PRKAR2A: variants seen among roughly 807,000 people sequenced by gnomAD.
PRKAR2A encodes protein kinase cAMP-dependent type II regulatory subunit alpha, also known as cAMP-dependent protein kinase type II-alpha regulatory subunit.
Under a neutral mutation model 51.9 loss-of-function variants are expected in PRKAR2A, and 29 were observed. The observed-to-expected ratio is 0.56, with a 90% confidence interval of 0.42 to 0.76. The LOEUF is 0.76. Among genes scored for constraint, PRKAR2A ranks in the 30% least tolerant of loss-of-function variants. The pLI is 0.00. For missense variants in PRKAR2A, 445 were observed against 512.1 expected, an observed-to-expected ratio of 0.87 and a Z score of 1.26; for synonymous variants, 178 against 186.2, an observed-to-expected ratio of 0.96 and a Z score of 0.36.
At chr3:48,844,218 CAA>C (rs2083424356) in intron 1 of PRKAR2A, among the ~76,000 whole-genome samples, 1 of 152,046 alleles carries the variant, frequency 6.6e-6, no homozygotes, top group African/African-American at 2.4e-5. Context: ...TTTATGCAGC[CAA>C]AAGACAAATG....
At chr3:48,829,847 G>GTGTGTATATATATA (rs777532795) in intron 1 of PRKAR2A, among the ~76,000 whole-genome samples, 4 of 63,752 alleles carry the variant, frequency 6.3e-5, no homozygotes, top group Non-Finnish European at 8.4e-5. Flanking sequence ...ATGCGTGTGT[G>GTGTGTATATATATA]TATATATATA....
chr3:48,782,655 C>T (rs1298068979), intron 5 of PRKAR2A, among the ~76,000 whole-genome samples: 1 of 152,178 alleles, frequency 6.6e-6, no homozygotes, highest in East Asian at 1.9e-4. Context: ...GGGGTTTCAC[C>T]ATACTGGCCA....
chr3:48,799,147 G>A (rs552431398), intron 2 of PRKAR2A, among the ~76,000 whole-genome samples: 3 of 152,154 alleles, frequency 2.0e-5, no homozygotes, highest in Non-Finnish European at 1.5e-5. Flanking sequence ...GCTTGCCACA[G>A]TACACAAGTT....
At chr3:48,817,377 C>T (rs573244295) in intron 1 of PRKAR2A, among the ~76,000 whole-genome samples, 12 of 151,292 alleles carry the variant, frequency 7.9e-5, no homozygotes, top group South Asian at 6.3e-4. Flanking sequence ...ATAGGCCAGA[C>T]GTGGTGGCTC....
intron 5 of PRKAR2A, among the ~76,000 whole-genome samples, chr3:48,779,282 C>A (rs925357200): frequency 6.6e-6 from 1 of 152,080 alleles, no homozygotes; most frequent in African/African-American, 2.4e-5. Context: ...TTTCACTGTA[C>A]AAAGAATAAC....
rs763726926 is a variant in PRKAR2A, at chr3:48,829,871, ATTTT to A, written c.262+17460_262+17463del. 3.9e-3 allele frequency among the ~76,000 whole-genome samples: 346 copies of A among 87,708 alleles called. 4 individuals carry two copies. Among genetic ancestry groups the A allele is most frequent in the African/African-American group, 0.016 (302 of 18,676 alleles). 57.5% of individuals were successfully genotyped at this position (87,708 alleles called of 152,430 possible). ...TGTATATATATATATATATATATAT[ATTTT>A]TTTTTTTTTTTTAAGCTTTTTTGTT... On this transcript the variant is annotated intron_variant, in intron 1 of 10. Transcript: ENST00000265563.
At chr3:48,800,902 C>T (rs1054081784) in intron 2 of PRKAR2A, among the ~76,000 whole-genome samples, 9 of 151,934 alleles carry the variant, frequency 5.9e-5, no homozygotes, top group East Asian at 3.9e-4. Flanking sequence ...CTCCATCTCC[C>T]GACCTCGTGA....
intron 3 of PRKAR2A, among the ~76,000 whole-genome samples, chr3:48,791,616 G>C (rs1253594878): frequency 1.6e-5 from 1 of 61,996 alleles, no homozygotes; most frequent in Non-Finnish European, 3.3e-5. Context: ...AAAAAAAAAA[G>C]CTGGGCATGG....
intron 8 of PRKAR2A, among the ~76,000 whole-genome samples, chr3:48,757,145 A>G (rs1252054227): frequency 6.6e-6 from 1 of 152,208 alleles, no homozygotes; most frequent in Admixed American, 6.5e-5. Flanking sequence ...AGGCAGAGTC[A>G]CAAAGAGGGA....
intron 5 of PRKAR2A, among the ~76,000 whole-genome samples, chr3:48,780,160 C>G (rs1320604351): frequency 6.7e-6 from 1 of 149,856 alleles, no homozygotes; most frequent in South Asian, 2.1e-4. Flanking sequence ...TCCGTACCCC[C>G]CCCAAAAAAA....
intron 2 of PRKAR2A, among the ~76,000 whole-genome samples, chr3:48,797,896 T>A (rs529756808): frequency 1.6e-4 from 24 of 152,186 alleles, no homozygotes; most frequent in Admixed American, 1.6e-3. Flanking sequence ...GGGTGCATTA[T>A]CTCAGTTCTT....
intron 4 of PRKAR2A, among the ~76,000 whole-genome samples, chr3:48,785,835 A>G (rs2082282588): frequency 6.6e-6 from 1 of 152,212 alleles, no homozygotes; most frequent in African/African-American, 2.4e-5. Context: ...AAACTTGCAC[A>G]CAAGAGAAAA....
intron 6 of PRKAR2A, among the ~76,000 whole-genome samples, chr3:48,771,875 T>C (rs1372497677): frequency 1.3e-5 from 2 of 152,240 alleles, no homozygotes; most frequent in African/African-American, 4.8e-5. Flanking sequence ...ATTAATGGTG[T>C]TAAGTTCTTC....
At chr3:48,753,537 G>C (rs1438417849) in intron 9 of PRKAR2A, among the ~76,000 whole-genome samples, 4 of 152,080 alleles carry the variant, frequency 2.6e-5, no homozygotes, top group East Asian at 1.9e-4. Context: ...TTTCATCTGA[G>C]CCAACTTTCC....
intron 1 of PRKAR2A, among the ~76,000 whole-genome samples, chr3:48,826,326 C>T (rs1400195751): frequency 6.6e-6 from 1 of 152,134 alleles, no homozygotes; most frequent in Non-Finnish European, 1.5e-5. Flanking sequence ...ACTCACAGAA[C>T]TCAGAAAAGC....
chr3:48,759,084 A>AT (rs2081822694), intron 8 of PRKAR2A, among the ~76,000 whole-genome samples: 1 of 152,232 alleles, frequency 6.6e-6, no homozygotes, highest in African/African-American at 2.4e-5. Context: ...ATGCAAGGGG[A>AT]TAAAATTTAA....
At chr3:48,795,000 G>A (rs1374447424) in intron 2 of PRKAR2A, among the ~76,000 whole-genome samples, 2 of 149,896 alleles carry the variant, frequency 1.3e-5, no homozygotes, top group African/African-American at 2.5e-5. Context: ...TTTTTGAGAC[G>A]GAGTCTCGCT....
At position 48,847,508 on chromosome 3, in the gene PRKAR2A, A is replaced by C; in HGVS notation, c.89T>G (p.Val30Gly). Residue 30 changes from valine to glycine, a missense_variant, in exon 1 of 11, where the codon GTC (valine) becomes GGC (glycine). Val to Gly is a moderately radical substitution (Grantham distance 109, BLOSUM62 -3). Transcript: ENST00000265563. The surrounding 1 kb of genome is among the most constrained non-coding windows in gnomAD (Gnocchi z 4.4). ...GGTGAAGTACTCCACTGCGAATTCG[A>C]CGAGGTCAGGCGGCTGCTGTCGCAG... is the stretch of plus-strand genomic sequence containing the variant. ...EVLRQQPPDL[V>G]EFAVEYFTRL... is the part of the protein sequence containing the mutation. 6.4e-7 allele frequency: 1 copy of C among 1,559,258 alleles called. No homozygotes were observed. Among genetic ancestry groups the C allele is most frequent in the Non-Finnish European group, 8.7e-7 (1 of 1,152,316 alleles).
chr3:48,841,783 T>C (rs1175298436), intron 1 of PRKAR2A, among the ~76,000 whole-genome samples: 1 of 152,146 alleles, frequency 6.6e-6, no homozygotes, highest in Non-Finnish European at 1.5e-5. Flanking sequence ...TCTCATTGTA[T>C]GCAATGTATT....
Sources: allele counts gnomAD v4.1 joint callset (sites outside exome capture counted in the v4.1 genomes callset), GRCh38; gene constraint gnomAD v4.1.1; non-coding constraint Gnocchi (gnomAD v3.1); transcripts MANE v1.5; gene names NCBI Gene and HGNC (gene_info 2026-07-23, HGNC 2026-07-21).